The following SHCBP1 variants were observed in gnomAD, a reference collection of about 807,000 sequenced individuals.
SHCBP1 encodes SHC binding and spindle associated 1.
Under a neutral mutation model 75.1 loss-of-function variants are expected in SHCBP1, and 60 were observed. That is an observed-to-expected ratio of 0.80 (90% CI 0.65 to 0.99). The LOEUF is 0.99. Among genes scored for constraint, SHCBP1 ranks in the 50% least tolerant of loss-of-function variants. The pLI is 0.00. For missense variants in SHCBP1, 709 were observed against 809.4 expected (o/e 0.88, Z 1.50); for synonymous variants, 290 against 293.2 (o/e 0.99, Z 0.11).
At chr16:46,604,881 A>C (rs1407128660) in intron 5 of SHCBP1, among the ~76,000 whole-genome samples, 1 of 152,232 alleles carries the variant, frequency 6.6e-6, no homozygotes, top group African/African-American at 2.4e-5. Flanking sequence ...GTTTCACAAC[A>C]ATGTTTAAGA....
In SHCBP1 at chr16:46,580,694, T is replaced by C. The variant is rs1205557030; in HGVS notation, c.*1035A>G. The C allele has an allele frequency of 6.6e-6, 1 of 152,178 alleles. No individual in the cohort carries two copies. Among genetic ancestry groups the C allele is most frequent in the Non-Finnish European group, 1.5e-5 (1 of 68,034 alleles). 9.4% of individuals were successfully genotyped at this position (152,178 alleles called of 1,614,324 possible). ...AGATACAGGTTGTACAGTTAATCAT[T>C]TTGACTGTGTCAGTAATATAATCAG... On this transcript the variant is annotated 3_prime_UTR_variant, in exon 13 of 13. Transcript: ENST00000303383.
intron 9 of SHCBP1, among the ~76,000 whole-genome samples, chr16:46,598,546 G>C (rs1251139162): frequency 6.6e-6 from 1 of 152,066 alleles, no homozygotes; most frequent in Non-Finnish European, 1.5e-5. Context: ...CTACCATTCA[G>C]GCTTTGTTGT....
At chr16:46,587,321 T>C (rs1182417954) in intron 10 of SHCBP1, among the ~76,000 whole-genome samples, 1 of 151,944 alleles carries the variant, frequency 6.6e-6, no homozygotes, top group African/African-American at 2.4e-5. Context: ...ACAAATGAAA[T>C]TCTGAAAAAT....
At chr16:46,620,461 C>A (rs900545872) in intron 1 of SHCBP1, 2 of 152,186 alleles carry the variant, frequency 1.3e-5, no homozygotes, top group African/African-American at 4.8e-5. Context: ...CGATGCCATG[C>A]AGTATTTATT....
intron 10 of SHCBP1, 26 bp from the exon 11 acceptor site, chr16:46,584,115 A>ACAAT (rs747193962): frequency 6.5e-7 from 1 of 1,541,416 alleles, no homozygotes; most frequent in Admixed American, 1.9e-5. Context: ...TGAGATAATG[A>ACAAT]CAATCAGTTT....
At chr16:46,589,821 T>G (rs1176333506) in intron 10 of SHCBP1, among the ~76,000 whole-genome samples, 3 of 152,192 alleles carry the variant, frequency 2.0e-5, no homozygotes, top group African/African-American at 7.2e-5. Flanking sequence ...AAAAACTACT[T>G]TAAAGTTCAT....
At chr16:46,599,038 T>C (rs1159865357) in intron 9 of SHCBP1, among the ~76,000 whole-genome samples, 2 of 152,236 alleles carry the variant, frequency 1.3e-5, no homozygotes, top group African/African-American at 4.8e-5. Context: ...TACGCTCTGA[T>C]TTAAGGAATG....
chr16:46,590,059 A>G (rs1337618244), intron 10 of SHCBP1, among the ~76,000 whole-genome samples: 1 of 152,246 alleles, frequency 6.6e-6, no homozygotes, highest in African/African-American at 2.4e-5. Context: ...GACAAAAACA[A>G]GAAATGGGGA....
intron 5 of SHCBP1, 42 bp downstream of exon 5, chr16:46,608,255 A>C (rs1567451487): frequency 6.9e-7 from 1 of 1,448,730 alleles, no homozygotes; most frequent in Non-Finnish European, 9.7e-7. Flanking sequence ...ATGGGTAACT[A>C]TTTTTCCAAC....
chr16:46,589,704 A>T (rs984397508), intron 10 of SHCBP1, among the ~76,000 whole-genome samples: 2 of 152,260 alleles, frequency 1.3e-5, no homozygotes, highest in African/African-American at 2.4e-5. Context: ...TTCCATGCTC[A>T]TGGATAGGAA....
chr16:46,601,781 G>T (rs1389538835), intron 8 of SHCBP1, among the ~76,000 whole-genome samples: 1 of 152,128 alleles, frequency 6.6e-6, no homozygotes, highest in East Asian at 1.9e-4. Flanking sequence ...ATTGAGAAAA[G>T]ATTTTTACAC....
Position 46,604,456 on chromosome 16 carries a change from T to C in SHCBP1, c.695A>G (p.Tyr232Cys), listed in dbSNP as rs1472385994. The C allele has an allele frequency of 1.2e-6, 2 of 1,606,306 alleles. No homozygotes were observed. The highest frequency in any genetic ancestry group is 1.7e-6 in the Non-Finnish European group (2 of 1,173,386). The change falls in exon 6 of 13, where the codon TAT becomes TGT. Residue 232 changes from tyrosine to cysteine, a missense_variant. Tyr to Cys is a radical substitution (Grantham distance 194, BLOSUM62 -2). Coordinates refer to ENST00000303383, the MANE Select transcript of SHCBP1 (RefSeq NM_024745.5). Reference protein sequence around the residue: ...RCVEPRLRLHYDILEDRVPSG... With the variant: ...RCVEPRLRLHCDILEDRVPSG... ...TGGAACTCGGTCTTCAAGAATGTCA[T>C]AATGCCTGAAAGTTTAAAAGCAAAG...
In SHCBP1 at chr16:46,609,713, A is replaced by C. The variant is rs141286865; in HGVS notation, c.597-1324T>G. 7.8e-3 allele frequency among the ~76,000 whole-genome samples: 1,191 copies of C among 151,752 alleles called. 17 individuals are homozygous for C. Among genetic ancestry groups the C allele is most frequent in the African/African-American group, 0.027 (1,129 of 41,386 alleles). On this transcript the variant is annotated intron_variant, in intron 4 of 12. Coordinates refer to ENST00000303383, the MANE Select transcript of SHCBP1 (RefSeq NM_024745.5). Reference sequence around the variant, plus strand: ...TGATCCCCCCTGCCTCGGTCTCCCAAAGTGCTGGGATTACAGGCATGAGCC... The same window carrying C: ...TGATCCCCCCTGCCTCGGTCTCCCACAGTGCTGGGATTACAGGCATGAGCC...
chr16:46,587,548 A>G (rs1349269632), intron 10 of SHCBP1, among the ~76,000 whole-genome samples: 1 of 152,146 alleles, frequency 6.6e-6, no homozygotes, highest in Non-Finnish European at 1.5e-5. Context: ...GCAAGTTGAA[A>G]TTAAAACAAT....
intron 4 of SHCBP1, among the ~76,000 whole-genome samples, chr16:46,614,797 C>A (rs1275858929): frequency 6.6e-6 from 1 of 152,184 alleles, no homozygotes; most frequent in Non-Finnish European, 1.5e-5. Context: ...CGACCATAAG[C>A]CTTAACATCC....
chr16:46,591,738 T>C (rs1038119181), intron 10 of SHCBP1, among the ~76,000 whole-genome samples: 1 of 152,044 alleles, frequency 6.6e-6, no homozygotes, highest in Admixed American at 6.6e-5. Flanking sequence ...TGTATCCAGA[T>C]AGACCATATC....
chr16:46,600,494 TAAG>T (rs1407110709), intron 8 of SHCBP1, among the ~76,000 whole-genome samples: 3 of 152,028 alleles, frequency 2.0e-5, no homozygotes, highest in Non-Finnish European at 4.4e-5. Context: ...ATAATAATAA[TAAG>T]GACTTACAGC....
At chr16:46,617,580 GAAGTA>G (rs1965520338) in intron 3 of SHCBP1, 49 bp downstream of exon 3, 1 of 1,370,160 alleles carries the variant, frequency 7.3e-7, no homozygotes, top group Non-Finnish European at 1.0e-6. Flanking sequence ...ATAACAGTCT[GAAGTA>G]AAGTGCTTAA....
chr16:46,609,971 A>T lies in SHCBP1; in HGVS notation c.597-1582T>A, dbSNP rs536185738. 1.2e-3 allele frequency among the ~76,000 whole-genome samples: 172 copies of T among 148,320 alleles called. 1 individual carries two copies. Among genetic ancestry groups the T allele is most frequent in the African/African-American group, 4.1e-3 (165 of 40,342 alleles). ...GATATTGGATTTTTTTTTTTTTCAGATGGAGTTTTGCTCTTGTTGCCCAGG... is the reference window on the plus strand; with the variant it reads ...GATATTGGATTTTTTTTTTTTTCAGTTGGAGTTTTGCTCTTGTTGCCCAGG... On this transcript the variant is annotated intron_variant, in intron 4 of 12. Transcript: ENST00000303383.
Sources: gnomAD v4.1 joint callset for allele counts (sites outside exome capture counted in the v4.1 genomes callset) on GRCh38, gnomAD v4.1.1 for gene constraint, MANE v1.5 for transcripts, NCBI Gene and HGNC (gene_info 2026-07-23, HGNC 2026-07-21) for gene names.